NRCAM: variants seen among roughly 807,000 people sequenced by gnomAD.
NRCAM encodes NgCAM-related cell adhesion molecule.
NRCAM carries 83 observed loss-of-function variants against 156.5 expected under a neutral mutation model. That is an observed-to-expected ratio of 0.53 (90% CI 0.44 to 0.64). The LOEUF (loss-of-function observed/expected upper bound fraction) is 0.64. Ranked by LOEUF, NRCAM falls within the 30% of genes least tolerant of loss-of-function variation. NRCAM has a pLI of 0.00. For missense variants in NRCAM, 1,417 were observed against 1,597.3 expected (o/e 0.89, Z 1.92); for synonymous variants, 538 against 563.9 (o/e 0.95, Z 0.65).
intron 3 of NRCAM, among the ~76,000 whole-genome samples, chr7:108,274,111 ATACCAG>A (rs2097492828): frequency 6.6e-6 from 1 of 151,876 alleles, no homozygotes; most frequent in South Asian, 2.1e-4. Context: ...ATCTGTTCTG[ATACCAG>A]TACCACACTG....
intron 22 of NRCAM, among the ~76,000 whole-genome samples, chr7:108,183,337 C>G (rs2064609955): frequency 6.6e-6 from 1 of 152,204 alleles, no homozygotes; most frequent in East Asian, 1.9e-4. Context: ...GCCTGTCATT[C>G]TGTTGTTTCT....
intron 3 of NRCAM, among the ~76,000 whole-genome samples, chr7:108,300,834 T>C (rs559055549): frequency 5.3e-4 from 80 of 152,324 alleles, no homozygotes; most frequent in Middle Eastern, 3.4e-3. Context: ...TAAAATATCA[T>C]ACTCAATACA....
chr7:108,207,951 C>G (rs1452455076), intron 12 of NRCAM, among the ~76,000 whole-genome samples: 2 of 151,992 alleles, frequency 1.3e-5, no homozygotes, highest in Admixed American at 6.6e-5. Flanking sequence ...ACAGATTTAT[C>G]TAAGCATACA....
intron 1 of NRCAM, among the ~76,000 whole-genome samples, chr7:108,432,897 A>AAG (rs921999074): frequency 4.0e-5 from 6 of 151,700 alleles, no homozygotes; most frequent in Non-Finnish European, 5.9e-5. Context: ...TGAAAAAAGA[A>AAG]AGAGAGAGAG....
intron 3 of NRCAM, among the ~76,000 whole-genome samples, chr7:108,266,956 A>G (rs2097130911): frequency 6.6e-6 from 1 of 152,242 alleles, no homozygotes; most frequent in African/African-American, 2.4e-5. Context: ...ACAAAAAACT[A>G]CTGGGTCAAA....
chr7:108,375,708 A>T (rs556923828), intron 2 of NRCAM, among the ~76,000 whole-genome samples: 1 of 152,184 alleles, frequency 6.6e-6, no homozygotes, highest in East Asian at 1.9e-4. Context: ...AAGTATACGG[A>T]AATTAGTTAA....
At chr7:108,263,990 G>A (rs1590746415) in intron 3 of NRCAM, among the ~76,000 whole-genome samples, 1 of 151,894 alleles carries the variant, frequency 6.6e-6, no homozygotes, top group Admixed American at 6.5e-5. Flanking sequence ...TAGCATCTTT[G>A]TTTCTTTTTT....
intron 2 of NRCAM, among the ~76,000 whole-genome samples, chr7:108,322,440 G>A (rs1275371311): frequency 6.6e-6 from 1 of 152,144 alleles, no homozygotes; most frequent in Non-Finnish European, 1.5e-5. Context: ...GTTCCCTATT[G>A]GTTGGGACTT....
chr7:108,369,962 G>A (rs1473000514), intron 2 of NRCAM, among the ~76,000 whole-genome samples: 2 of 152,090 alleles, frequency 1.3e-5, no homozygotes, highest in Non-Finnish European at 2.9e-5. Context: ...TGAAAACTAA[G>A]TAGTTATTTA....
chr7:108,426,884 C>T (rs1817949504), intron 1 of NRCAM, among the ~76,000 whole-genome samples: 2 of 152,188 alleles, frequency 1.3e-5, no homozygotes, highest in African/African-American at 2.4e-5. Context: ...TTTACTATTC[C>T]TTGAACAACG....
intron 32 of NRCAM, among the ~76,000 whole-genome samples, chr7:108,155,101 TACACAC>T (rs58111040): frequency 0.026 from 3,141 of 122,948 alleles, 60 homozygotes; most frequent in African/African-American, 0.043. Context: ...TATATATATA[TACACAC>T]ACACACACAC....
intron 1 of NRCAM, among the ~76,000 whole-genome samples, chr7:108,438,529 A>T (rs953777204): frequency 1.3e-5 from 2 of 152,214 alleles, no homozygotes; most frequent in Non-Finnish European, 2.9e-5. Flanking sequence ...TTCTATTAAA[A>T]AATCTACAGT....
At chr7:108,314,605 A>G (rs1020265038) in intron 2 of NRCAM, among the ~76,000 whole-genome samples, 1 of 152,238 alleles carries the variant, frequency 6.6e-6, no homozygotes, top group Non-Finnish European at 1.5e-5. Context: ...TCAATAGCAT[A>G]TAACACTAAA....
intron 2 of NRCAM, among the ~76,000 whole-genome samples, chr7:108,343,470 G>A (rs1346057832): frequency 2.0e-5 from 3 of 152,042 alleles, no homozygotes; most frequent in Non-Finnish European, 4.4e-5. Flanking sequence ...ACTGCCAAGC[G>A]GACATTGAAG....
At chr7:108,201,138 G>T (rs1254772337) in intron 13 of NRCAM, among the ~76,000 whole-genome samples, 3 of 120,364 alleles carry the variant, frequency 2.5e-5, no homozygotes, top group African/African-American at 9.6e-5. Context: ...AATAATACAA[G>T]AATAAAGTAG....
Position 108,148,574 on chromosome 7 carries a change from T to C in NRCAM, c.*1336A>G, listed in dbSNP as rs2039871272. The C allele has an allele frequency of 6.5e-6, 1 of 152,678 alleles. No homozygotes were observed. The highest frequency in any genetic ancestry group is 1.5e-5 in the Non-Finnish European group (1 of 68,030). The allele number at this position is 152,678 out of a possible 1,614,324, so 9.5% of individuals were successfully genotyped here. On this transcript the variant is annotated 3_prime_UTR_variant, in exon 33 of 33. Transcript: ENST00000379028. ...ATATATTTACTTTTTAAACTGCAGA[T>C]GTAATCCCTTGGACCGTTGGCCTTT...
chr7:108,350,188 G>A (rs544466263), intron 2 of NRCAM, among the ~76,000 whole-genome samples: 3 of 152,126 alleles, frequency 2.0e-5, no homozygotes, highest in Admixed American at 6.5e-5. Context: ...CTGAAATGGC[G>A]TTCCTGCTTT....
At chr7:108,387,005 T>A (rs1169159619) in intron 2 of NRCAM, among the ~76,000 whole-genome samples, 1 of 152,162 alleles carries the variant, frequency 6.6e-6, no homozygotes. Context: ...TTGATATAAA[T>A]CTAACTATCT....
rs191599619 is a variant in NRCAM, at chr7:108,202,404, G to A, written c.1208-4305C>T. On this transcript the variant is annotated intron_variant, in intron 13 of 32. Transcript: ENST00000379028. ...ATTTTAAAAAGAACTTTGTGAAACA[G>A]GCTAATCATATAGTATTTTATGCAT... 7.2e-5 allele frequency among the ~76,000 whole-genome samples: 11 copies of A among 152,232 alleles called. No individual in the cohort carries two copies. The East Asian group carries it at 1.4e-3, about 19-fold the overall frequency.
Sources: gnomAD v4.1 joint callset for allele counts (sites outside exome capture counted in the v4.1 genomes callset) on GRCh38, gnomAD v4.1.1 for gene constraint, MANE v1.5 for transcripts, NCBI Gene and HGNC (gene_info 2026-07-23, HGNC 2026-07-21) for gene names.